Variants in CDCA7L observed in about 807,000 individuals in gnomAD.
CDCA7L encodes the protein cell division cycle associated 7 like, also known as cell division cycle-associated 7-like protein.
Under a neutral mutation model 57.4 loss-of-function variants are expected in CDCA7L, and 44 were observed. The ratio of observed to expected loss-of-function variants is 0.77; its 90% CI spans 0.60 to 0.98. The LOEUF is 0.98. Ranked by LOEUF, CDCA7L falls within the 50% of genes least tolerant of loss-of-function variation. The pLI is 0.00. For synonymous variants in CDCA7L, 236 were observed against 202.8 expected, an observed-to-expected ratio of 1.16 and a Z score of -1.39; for missense variants, 644 against 580.6, an observed-to-expected ratio of 1.11 and a Z score of -1.12.
At chr7:21,931,056 T>C (rs1183909384) in intron 1 of CDCA7L, among the ~76,000 whole-genome samples, 1 of 152,130 alleles carries the variant, frequency 6.6e-6, no homozygotes, top group African/African-American at 2.4e-5. Context: ...TCTGGACACA[T>C]ACACCCTCCC....
rs1257722069 is a variant in CDCA7L at position 21,918,007 on chromosome 7, A to C, written c.25-1113T>G. Among the ~76,000 whole-genome samples the C allele has an allele frequency of 5.1e-5, 4 of 78,598 alleles. No homozygotes were observed. In the East Asian group the frequency reaches 3.4e-3, roughly 68 times the overall value. 51.6% of individuals were successfully genotyped at this position (78,598 alleles called of 152,430 possible). On this transcript the variant is annotated intron_variant, in intron 1 of 9. Transcript: ENST00000406877. ...TTTTCACAACACTGACTTTCTTTTT[A>C]GATAGACCATGACAACTGCCTTGTA...
At chr7:21,919,923 G>C (rs55704276) in intron 1 of CDCA7L, among the ~76,000 whole-genome samples, 63 of 152,278 alleles carry the variant, frequency 4.1e-4, no homozygotes, top group African/African-American at 1.4e-3. Flanking sequence ...ACATGGTTAT[G>C]CAAAAATGTT....
At chr7:21,942,994 T>G (rs977823338) in intron 1 of CDCA7L, among the ~76,000 whole-genome samples, 57 of 152,196 alleles carry the variant, frequency 3.7e-4, no homozygotes, top group African/African-American at 1.4e-3. Flanking sequence ...CCTTCTCAAA[T>G]GGGCCATCCT....
chr7:21,903,996 G>A lies in CDCA7L; in HGVS notation c.1197+114C>T, dbSNP rs574291597. On this transcript the variant is annotated intron_variant, in intron 8 of 9. Transcript: ENST00000406877. Reference sequence around the variant, plus strand: ...GGAGCCTTAAGATACAAATGGAAGGGAAAAACCAGAGTTCTGGAGCTCCCT... The same window carrying A: ...GGAGCCTTAAGATACAAATGGAAGGAAAAAACCAGAGTTCTGGAGCTCCCT... 1.3e-4 allele frequency: 130 copies of A among 1,025,432 alleles called. No individual in the cohort carries two copies. In the East Asian group the frequency reaches 3.5e-3, roughly 28 times the overall value. 63.5% of individuals were successfully genotyped at this position (1,025,432 alleles called of 1,614,324 possible).
At chr7:21,915,992 G>A (rs930432458) in intron 2 of CDCA7L, among the ~76,000 whole-genome samples, 3 of 152,128 alleles carry the variant, frequency 2.0e-5, no homozygotes, top group Non-Finnish European at 4.4e-5. Flanking sequence ...AGAAAGCACA[G>A]CTCCCACCAG....
chr7:21,901,328 A>G lies in CDCA7L; in HGVS notation c.*994T>C. 6.8e-7 allele frequency: 1 copy of G among 1,473,340 alleles called. No homozygotes were observed. Among genetic ancestry groups the G allele is most frequent in the Non-Finnish European group, 9.0e-7 (1 of 1,110,818 alleles). The allele number at this position is 1,473,340 out of a possible 1,614,324, so 91.3% of individuals were successfully genotyped here. On this transcript the variant is annotated 3_prime_UTR_variant, in exon 10 of 10. Transcript: ENST00000406877. Reference sequence around the variant, plus strand: ...TCTAGCATGTTGCTGCACTGTTCCCATGCACATTATTCTAACTTTTTAGTA... The same window carrying G: ...TCTAGCATGTTGCTGCACTGTTCCCGTGCACATTATTCTAACTTTTTAGTA...
intron 1 of CDCA7L, among the ~76,000 whole-genome samples, chr7:21,941,176 A>G (rs990014357): frequency 1.3e-5 from 2 of 152,196 alleles, no homozygotes; most frequent in African/African-American, 2.4e-5. Flanking sequence ...GATATACAGT[A>G]TACCACCCTG....
intron 1 of CDCA7L, among the ~76,000 whole-genome samples, chr7:21,924,904 A>C (rs888152781): frequency 1.9e-4 from 29 of 152,162 alleles, no homozygotes; most frequent in Non-Finnish European, 2.8e-4. Flanking sequence ...AAAACAAATA[A>C]ATCAGATGGT....
chr7:21,902,249 C>A lies in CDCA7L; in HGVS notation c.*73G>T. The A allele has an allele frequency of 9.0e-7, 1 of 1,115,026 alleles. No homozygotes were observed. The highest frequency in any genetic ancestry group is 1.3e-5 in the South Asian group (1 of 75,540). 69.1% of individuals were successfully genotyped at this position (1,115,026 alleles called of 1,614,324 possible). ...AAAACACAACTGTAAAAAAATCTTT[C>A]TTAGGCACCAATGGTATGCATGTCT... On this transcript the variant is annotated 3_prime_UTR_variant, in exon 10 of 10. Transcript: ENST00000406877.
intron 2 of CDCA7L, among the ~76,000 whole-genome samples, chr7:21,915,058 G>A (rs1192958208): frequency 1.3e-5 from 2 of 152,182 alleles, no homozygotes; most frequent in Non-Finnish European, 2.9e-5. Flanking sequence ...GAGCTGACCG[G>A]AGGTCAATCC....
chr7:21,919,534 GTTAA>G (rs1785590395), intron 1 of CDCA7L, among the ~76,000 whole-genome samples: 1 of 152,056 alleles, frequency 6.6e-6, no homozygotes, highest in Admixed American at 6.5e-5. Flanking sequence ...ATGCATCTCG[GTTAA>G]TTAAGTATCA....
chr7:21,912,635 T>C (rs1455718832), intron 2 of CDCA7L, among the ~76,000 whole-genome samples: 3 of 152,094 alleles, frequency 2.0e-5, no homozygotes, highest in Non-Finnish European at 4.4e-5. Flanking sequence ...AGCTTCTCTG[T>C]AGGAAAAGGC....
chr7:21,909,589 C>G (rs903711444), intron 3 of CDCA7L, among the ~76,000 whole-genome samples: 2 of 152,150 alleles, frequency 1.3e-5, no homozygotes, highest in Non-Finnish European at 2.9e-5. Context: ...AGGAGTAAGA[C>G]TATATGGCAC....
intron 9 of CDCA7L, chr7:21,902,690 T>C: frequency 2.1e-6 from 1 of 466,494 alleles, no homozygotes; most frequent in Non-Finnish European, 3.8e-6. Context: ...CCCCTCAGCC[T>C]GCCTTGTTTG....
At position 21,901,143 on chromosome 7, in the gene CDCA7L, G is replaced by GTATAGAACC; in HGVS notation, c.*1170_*1178dup. 2 of 1,613,948 alleles carry GTATAGAACC rather than the reference G, an allele frequency of 1.2e-6. No individual in the cohort carries two copies. Among genetic ancestry groups the GTATAGAACC allele is most frequent in the Non-Finnish European group, 1.7e-6 (2 of 1,179,858 alleles). ...CCAAACAGACCTACGAGTGCCCTGT[G>GTATAGAACC]TATAGAACCAAACTGAGAGGCCCCA... On this transcript the variant is annotated 3_prime_UTR_variant, in exon 10 of 10. Coordinates refer to ENST00000406877, the MANE Select transcript of CDCA7L (RefSeq NM_018719.5).
rs751210112 is a variant in CDCA7L, at chr7:21,905,541, T to G, written c.1012A>C (p.Ile338Leu). The G allele has an allele frequency of 1.9e-6, 3 of 1,613,910 alleles. No homozygotes were observed. Among genetic ancestry groups the G allele is most frequent in the African/African-American group, 2.7e-5 (2 of 74,836 alleles). Reference protein sequence around the residue: ...ITEEDLENVAITVRDKIYDKV... With the variant: ...ITEEDLENVALTVRDKIYDKV... The stretch of plus-strand genomic sequence containing the variant: ...TCATAGATTTTATCTCGAACAGTTA[T>G]GGCAACATTTTCTAAGTCCTCTTCG... Residue 338 changes from isoleucine (I) to leucine (L), a missense_variant, in exon 7 of 10, where the codon ATA (isoleucine) becomes CTA (leucine). Coordinates refer to ENST00000406877, the MANE Select transcript of CDCA7L (RefSeq NM_018719.5).
chr7:21,902,001 C>CAATGTTTT lies in CDCA7L; in HGVS notation c.*313_*320dup, dbSNP rs1784898855. On this transcript the variant is annotated 3_prime_UTR_variant, in exon 10 of 10. Transcript: ENST00000406877. ...AGATCAAGTGCAGGAGCTGATCATA[C>CAATGTTTT]AATGTTTTCTCTCTAACTTACTTAC... is the stretch of plus-strand genomic sequence containing the variant. 2.9e-6 allele frequency: 1 copy of CAATGTTTT among 346,444 alleles called. No homozygotes were observed. The highest frequency in any genetic ancestry group is 5.4e-6 in the Non-Finnish European group (1 of 185,088). 21.5% of individuals were successfully genotyped at this position (346,444 alleles called of 1,614,324 possible).
chr7:21,901,254 A>C lies in CDCA7L; in HGVS notation c.*1068T>G, dbSNP rs746081475. On this transcript the variant is annotated 3_prime_UTR_variant, in exon 10 of 10. Transcript: ENST00000406877. ...GAGTGGCTCTGCTTCTAGAAGCGTA[A>C]GGTAACACTGGCATTCCTCTAGCCT... 2 of 1,600,572 alleles carry C rather than the reference A, an allele frequency of 1.2e-6. No individual in the cohort carries two copies. The highest frequency in any genetic ancestry group is 2.3e-5 in the South Asian group (2 of 88,464).
Position 21,902,182 on chromosome 7 carries a change from C to T in CDCA7L, c.*140G>A. On this transcript the variant is annotated 3_prime_UTR_variant, in exon 10 of 10. Transcript: ENST00000406877. ...AAATCTTTGTAAGCATATAAACAATCTTTAACAAAAAATAGTAATTTCTAC... is the reference window on the plus strand; with the variant it reads ...AAATCTTTGTAAGCATATAAACAATTTTTAACAAAAAATAGTAATTTCTAC... 1 of 843,232 alleles carries T rather than the reference C, an allele frequency of 1.2e-6. No individual in the cohort carries two copies. The highest frequency in any genetic ancestry group is 2.0e-6 in the Non-Finnish European group (1 of 506,794). The allele number at this position is 843,232 out of a possible 1,614,324, so 52.2% of individuals were successfully genotyped here. A position where few individuals can be genotyped will look rare whatever the true frequency, so the allele number is the denominator to read the frequency against.
Sources: allele counts gnomAD v4.1 joint callset (sites outside exome capture counted in the v4.1 genomes callset), GRCh38; gene constraint gnomAD v4.1.1; transcripts MANE v1.5; gene names NCBI Gene and HGNC (gene_info 2026-07-23, HGNC 2026-07-21).